The following SLC1A4 variants were observed in gnomAD, a reference collection of about 807,000 sequenced individuals.
SLC1A4 encodes the protein neutral amino acid transporter A.
In SLC1A4, 19 loss-of-function variants were observed where a neutral mutation model predicts 37.7. The observed-to-expected ratio is 0.50, with a 90% CI of 0.35 to 0.74. The LOEUF is 0.74. Among genes scored for constraint, SLC1A4 ranks in the 30% least tolerant of loss-of-function variants. SLC1A4 has a pLI of 0.01. For missense variants in SLC1A4, 570 were observed against 712.9 expected (o/e 0.80, Z 2.28); for synonymous variants, 299 against 309.8 (o/e 0.97, Z 0.37).
intron 1 of SLC1A4, among the ~76,000 whole-genome samples, chr2:64,993,219 G>A (rs938488623): frequency 3.3e-5 from 5 of 152,190 alleles, no homozygotes; most frequent in Non-Finnish European, 5.9e-5. Flanking sequence ...TGCTGCTGAG[G>A]CTTTGTGCTA....
intron 1 of SLC1A4, among the ~76,000 whole-genome samples, chr2:64,993,838 A>G (rs1472530055): frequency 6.6e-6 from 1 of 152,194 alleles, no homozygotes; most frequent in Non-Finnish European, 1.5e-5. Context: ...GGTTGTGTCT[A>G]AGAGCTCTAA....
chr2:64,989,460 C>T lies in SLC1A4; in HGVS notation c.-184C>T, dbSNP rs948209416. On this transcript the variant is annotated 5_prime_UTR_variant, in exon 1 of 8. Transcript: ENST00000234256. ...CGATCCTCTCCGCCCGCGGCTCCAA[C>T]CCGCACTCTGCGCCTCTCCTCGCCT... is the stretch of plus-strand genomic sequence containing the variant. 1 of 480,604 alleles carries T rather than the reference C, an allele frequency of 2.1e-6. No homozygotes were observed. Among genetic ancestry groups the T allele is most frequent in the Non-Finnish European group, 3.4e-6 (1 of 292,930 alleles). The allele number at this position is 480,604 out of a possible 1,614,324, so 29.8% of individuals were successfully genotyped here.
intron 3 of SLC1A4, among the ~76,000 whole-genome samples, chr2:65,006,345 A>G (rs964318904): frequency 1.1e-4 from 17 of 152,156 alleles, no homozygotes; most frequent in African/African-American, 4.1e-4. Flanking sequence ...TATAAAAATT[A>G]GCCAGGCATG....
upstream of SLC1A4, chr2:64,989,373 C>A (rs1258379320): frequency 6.1e-6 from 2 of 329,734 alleles, no homozygotes; most frequent in African/African-American, 2.2e-5. Context: ...CCGTCTGCGT[C>A]CGCGTTCGCG....
intron 4 of SLC1A4, among the ~76,000 whole-genome samples, chr2:65,014,537 T>A (rs1674049025): frequency 1.3e-5 from 2 of 152,314 alleles, no homozygotes; most frequent in Middle Eastern, 3.4e-3. Flanking sequence ...ACCTGCATGA[T>A]GCCACTAGCA....
chr2:65,009,230 G>T (rs1673806951), intron 3 of SLC1A4, among the ~76,000 whole-genome samples: 1 of 152,036 alleles, frequency 6.6e-6, no homozygotes, highest in Admixed American at 6.6e-5. Flanking sequence ...AAAATTAGCT[G>T]GGCATGGTGG....
chr2:64,997,567 T>G (rs1673303353), intron 1 of SLC1A4, among the ~76,000 whole-genome samples: 1 of 152,214 alleles, frequency 6.6e-6, no homozygotes, highest in Non-Finnish European at 1.5e-5. Context: ...AATCATTCAG[T>G]ATGCACTCTC....
At chr2:64,998,732 T>C (rs940437087) in intron 1 of SLC1A4, among the ~76,000 whole-genome samples, 9 of 152,216 alleles carry the variant, frequency 5.9e-5, no homozygotes, top group Non-Finnish European at 1.5e-5. Context: ...GCAGGACAGA[T>C]AGACAGAATT....
At chr2:65,009,659 G>A (rs987952304) in intron 3 of SLC1A4, among the ~76,000 whole-genome samples, 6 of 152,360 alleles carry the variant, frequency 3.9e-5, no homozygotes, top group Middle Eastern at 3.4e-3. Context: ...GAACACCAAC[G>A]ATTATTTCAT....
intron 1 of SLC1A4, among the ~76,000 whole-genome samples, chr2:64,994,415 G>GCT (rs1673173654): frequency 6.6e-6 from 1 of 152,254 alleles, no homozygotes; most frequent in South Asian, 2.1e-4. Context: ...TAGGCCCAGG[G>GCT]CTCTGGTCTG....
chr2:64,997,952 T>C lies in SLC1A4; in HGVS notation c.528-3496T>C, dbSNP rs1283759631. 1.2e-4 allele frequency among the ~76,000 whole-genome samples: 13 copies of C among 105,330 alleles called. No individual in the cohort carries two copies. The East Asian group carries it at 6.4e-3, about 52-fold the overall frequency. 69.1% of individuals were successfully genotyped at this position (105,330 alleles called of 152,430 possible). A position where few individuals can be genotyped will look rare whatever the true frequency, so the allele number is the denominator to read the frequency against. On this transcript the variant is annotated intron_variant, in intron 1 of 7. Transcript: ENST00000234256. ...CCCTGTCTGCATTAAAAATACAAAT[T>C]GGCAGGCGCAGTGGCTCACGCCTGT...
intron 1 of SLC1A4, among the ~76,000 whole-genome samples, chr2:64,991,774 G>C (rs139949508): frequency 0.018 from 2,799 of 152,126 alleles, 101 homozygotes; most frequent in South Asian, 0.12. Context: ...CTAATTTTTT[G>C]TATTTTTTAG....
intron 2 of SLC1A4, 102 bp downstream of exon 2, chr2:65,001,592 G>C: frequency 9.3e-7 from 1 of 1,074,946 alleles, no homozygotes. Flanking sequence ...AGATGGTGGT[G>C]TTAACAAAAC....
intron 3 of SLC1A4, among the ~76,000 whole-genome samples, chr2:65,008,168 C>A (rs940687891): frequency 3.5e-4 from 54 of 152,302 alleles, no homozygotes; most frequent in African/African-American, 1.1e-3. Context: ...TATCAAAAAG[C>A]GTGAGTTGAC....
At chr2:65,020,859 G>A in intron 7 of SLC1A4, 53 bp from the exon 8 acceptor site, 8 of 1,478,546 alleles carry the variant, frequency 5.4e-6, no homozygotes, top group Non-Finnish European at 7.6e-6. Flanking sequence ...GCCTGTGACA[G>A]GACCCGATCG....
rs1674291435 is a variant in SLC1A4, at chr2:65,018,796, G to A, written c.1364+117G>A. Reference sequence around the variant, plus strand: ...TCAGACACACTCCAGCCTTGTGAAGGAGGCTACAGTGGAGCTAAAAGGGCA... The same window carrying A: ...TCAGACACACTCCAGCCTTGTGAAGAAGGCTACAGTGGAGCTAAAAGGGCA... On this transcript the variant is annotated intron_variant, in intron 7 of 7. Transcript: ENST00000234256. The surrounding 1 kb of genome is among the most constrained non-coding windows in gnomAD (Gnocchi z 4.3). The A allele has an allele frequency of 1.6e-6, 2 of 1,254,456 alleles. No individual in the cohort carries two copies. Among genetic ancestry groups the A allele is most frequent in the Admixed American group, 2.1e-5 (1 of 46,614 alleles). The allele number at this position is 1,254,456 out of a possible 1,614,324, so 77.7% of individuals were successfully genotyped here. A position where few individuals can be genotyped will look rare whatever the true frequency, so the allele number is the denominator to read the frequency against.
Position 65,022,276 on chromosome 2 carries a change from A to G in SLC1A4, c.*1130A>G, listed in dbSNP as rs1674456769. 6.6e-6 allele frequency: 1 copy of G among 152,250 alleles called. No homozygotes were observed. The highest frequency in any genetic ancestry group is 2.4e-5 in the African/African-American group (1 of 41,470). 9.4% of individuals were successfully genotyped at this position (152,250 alleles called of 1,614,324 possible). On this transcript the variant is annotated 3_prime_UTR_variant, in exon 8 of 8. Coordinates refer to ENST00000234256, the MANE Select transcript of SLC1A4 (RefSeq NM_003038.5). ...TGCCAGTACATCCAAGTTTAAAATT[A>G]TCAGCGAAATGGTCCATGTTTTTCC...
chr2:64,989,674 C>T lies in SLC1A4; in HGVS notation c.31C>T (p.Leu11Phe). Residue 11 changes from leucine (L) to phenylalanine (F), a missense_variant, in exon 1 of 8, where the codon CTT (leucine) becomes TTT (phenylalanine). By Grantham distance (22) the Leu-to-Phe change is conservative. Coordinates refer to ENST00000234256, the MANE Select transcript of SLC1A4 (RefSeq NM_003038.5). ...GAAGAGCAACGAGACCAACGGCTAC[C>T]TTGACAGCGCTCAGGCGGGGCCTGC... is the stretch of plus-strand genomic sequence containing the variant. The part of the protein sequence containing the change: MEKSNETNGY[L>F]DSAQAGPAAG... 2 of 1,541,524 alleles carry T rather than the reference C, an allele frequency of 1.3e-6. No individual in the cohort carries two copies. Among genetic ancestry groups the T allele is most frequent in the Non-Finnish European group, 1.7e-6 (2 of 1,150,692 alleles).
chr2:65,020,632 G>A (rs779927367), intron 7 of SLC1A4, among the ~76,000 whole-genome samples: 2 of 152,164 alleles, frequency 1.3e-5, no homozygotes, highest in African/African-American at 2.4e-5. Flanking sequence ...GTGACTGGAA[G>A]GAAATAGATT....
Sources: gnomAD v4.1 joint callset for allele counts (sites outside exome capture counted in the v4.1 genomes callset) on GRCh38, gnomAD v4.1.1 for gene constraint, Gnocchi (gnomAD v3.1) non-coding constraint, MANE v1.5 for transcripts, NCBI Gene and HGNC (gene_info 2026-07-23, HGNC 2026-07-21) for gene names.